Variants in GRAMD4 observed in about 807,000 individuals in gnomAD.
GRAMD4 encodes the protein GRAM domain-containing protein 4.
In GRAMD4, 25 loss-of-function variants were observed where a neutral mutation model predicts 83.9. The ratio of observed to expected loss-of-function variants is 0.30; its 90% CI spans 0.22 to 0.42. The LOEUF (loss-of-function observed/expected upper bound fraction) is 0.42, where lower values mean the gene tolerates loss of function less well. GRAMD4 is among the 10% of genes least tolerant of loss of function. The probability of loss-of-function intolerance (pLI) is 1.00; values close to 1 mark genes in which losing one functional copy is unlikely to be tolerated. For missense variants in GRAMD4, 593 were observed against 788.7 expected, an observed-to-expected ratio of 0.75 and a Z score of 2.97; for synonymous variants, 336 against 320.9, an observed-to-expected ratio of 1.05 and a Z score of -0.50.
At chr22:46,648,803 C>G (rs62233622) in intron 3 of GRAMD4, among the ~76,000 whole-genome samples, 10,655 of 26,924 alleles carry the variant, frequency 0.4, 1,557 homozygotes, top group East Asian at 0.5. Context: ...TGGATGGATG[C>G]ATGGATGGAT....
chr22:46,674,483 C>T, intron 15 of GRAMD4, 174 bp from the exon 16 acceptor site: 1 of 634,870 alleles, frequency 1.6e-6, no homozygotes, highest in South Asian at 1.8e-5. Context: ...CATCTGTTTT[C>T]CACCCTCTGG....
chr22:46,623,602 T>C (rs2081609600), intron 1 of GRAMD4, among the ~76,000 whole-genome samples: 1 of 151,900 alleles, frequency 6.6e-6, no homozygotes, highest in South Asian at 2.1e-4. Flanking sequence ...TTCACCGTGT[T>C]AGCCAGGATG....
chr22:46,608,230 G>A (rs1287381769), intron 1 of GRAMD4, among the ~76,000 whole-genome samples: 2 of 152,206 alleles, frequency 1.3e-5, no homozygotes, highest in African/African-American at 4.8e-5. Flanking sequence ...GCCGAAACAT[G>A]TGCTTCTCTC....
chr22:46,577,396 C>CCCGCCGCCGCCGACGCCG, intron 1 of GRAMD4: 1 of 297,184 alleles, frequency 3.4e-6, no homozygotes, highest in Non-Finnish European at 4.9e-6. Flanking sequence ...CCGCGCTCTC[C>CCCGCCGCCGCCGACGCCG]CCGCCGCCGC....
chr22:46,650,057 C>T (rs566324094), intron 3 of GRAMD4, among the ~76,000 whole-genome samples: 151 of 152,206 alleles, frequency 9.9e-4, no homozygotes, highest in Non-Finnish European at 1.6e-3. Flanking sequence ...TCTGGGTGTG[C>T]GGGCCTCCGG....
chr22:46,612,605 G>C (rs1474359762), intron 1 of GRAMD4, among the ~76,000 whole-genome samples: 3 of 152,254 alleles, frequency 2.0e-5, no homozygotes, highest in African/African-American at 7.2e-5. Flanking sequence ...CCTGGAGATG[G>C]GCTCCTGAGC....
intron 1 of GRAMD4, among the ~76,000 whole-genome samples, chr22:46,623,597 C>T (rs5767308): frequency 0.2 from 30,381 of 151,690 alleles, 3,651 homozygotes; most frequent in East Asian, 0.3. Context: ...GCAGTTTCAC[C>T]GTGTTAGCCA....
rs866574005 is a variant in GRAMD4, at chr22:46,663,824, C to T, written c.600-14C>T. 1.9e-6 allele frequency: 3 copies of T among 1,613,032 alleles called. No individual in the cohort carries two copies. Among genetic ancestry groups the T allele is most frequent in the African/African-American group, 2.7e-5 (2 of 74,912 alleles). ...CATTAACCCTGGGCTCCCATCTCTC[C>T]CCTTCTCTCTTAGGTTAACTGAAAA... is the stretch of plus-strand genomic sequence containing the variant. On this transcript the variant is annotated splice_polypyrimidine_tract_variant and intron_variant, in intron 6 of 18. Coordinates refer to ENST00000406902, the MANE Select transcript of GRAMD4 (RefSeq NM_015124.5).
chr22:46,641,368 C>T (rs1361431313), intron 3 of GRAMD4, among the ~76,000 whole-genome samples: 3 of 149,134 alleles, frequency 2.0e-5, no homozygotes, highest in South Asian at 4.3e-4. Flanking sequence ...CCACTGTGTG[C>T]GGCCCCATCT....
upstream of GRAMD4, among the ~76,000 whole-genome samples, chr22:46,615,812 CTGTG>C (rs1207879832): frequency 6.4e-4 from 56 of 87,238 alleles, 16 homozygotes; most frequent in Admixed American, 1.4e-3. Flanking sequence ...GTAGGTTCCC[CTGTG>C]CGTGTGGGTT....
chr22:46,618,585 TG>T (rs757570573), upstream of GRAMD4, among the ~76,000 whole-genome samples: 12 of 152,096 alleles, frequency 7.9e-5, no homozygotes, highest in Non-Finnish European at 1.3e-4. The surrounding 1 kb of genome is among the most constrained non-coding windows in gnomAD (Gnocchi z 5.8). Flanking sequence ...TGGAAGCCCC[TG>T]GAGAACTTTG....
At chr22:46,587,400 C>G (rs137982323) in intron 1 of GRAMD4, among the ~76,000 whole-genome samples, 54 of 151,984 alleles carry the variant, frequency 3.6e-4, no homozygotes, top group Admixed American at 1.5e-3. Context: ...CCCAGCCGTC[C>G]GGAGTGACAC....
Position 46,678,561 on chromosome 22 carries a change from T to C in GRAMD4, c.*1310T>C, listed in dbSNP as rs1312176812. 31 of 985,480 alleles carry C rather than the reference T, an allele frequency of 3.1e-5. No individual in the cohort carries two copies. Among genetic ancestry groups the C allele is most frequent in the Non-Finnish European group, 1.2e-6 (1 of 829,950 alleles). 61.0% of individuals were successfully genotyped at this position (985,480 alleles called of 1,614,324 possible). A position where few individuals can be genotyped will look rare whatever the true frequency, so the allele number is the denominator to read the frequency against. ...GAAGGAGGTGGCCACCCCGCGGGCC[T>C]GCGTGTCTGCTGGGGCGGATCCCGC... On this transcript the variant is annotated 3_prime_UTR_variant, in exon 19 of 19. Transcript: ENST00000406902.
intron 3 of GRAMD4, among the ~76,000 whole-genome samples, chr22:46,638,861 G>T (rs1341534727): frequency 1.3e-5 from 2 of 152,190 alleles, no homozygotes; most frequent in African/African-American, 2.4e-5. Flanking sequence ...TCTGGGTGTC[G>T]TGCCCAGCCA....
intron 4 of GRAMD4, among the ~76,000 whole-genome samples, chr22:46,660,915 G>T (rs1005844577): frequency 6.6e-6 from 1 of 152,222 alleles, no homozygotes; most frequent in African/African-American, 2.4e-5. Context: ...CCTAGTGGCC[G>T]TCTAGTGCCC....
chr22:46,621,323 G>A lies in GRAMD4; in HGVS notation c.-50+758G>A, dbSNP rs1298604864. 6.6e-6 allele frequency among the ~76,000 whole-genome samples: 1 copy of A among 152,190 alleles called. No homozygotes were observed. The highest frequency in any genetic ancestry group is 1.5e-5 in the Non-Finnish European group (1 of 68,026). On this transcript the variant is annotated intron_variant, in intron 1 of 18. Coordinates refer to ENST00000406902, the MANE Select transcript of GRAMD4 (RefSeq NM_015124.5). This position sits in a 1 kb window ranked among gnomAD's most constrained non-coding sequence, Gnocchi z 5.8. ...CTCCCCCAAAATTCATGTCCACCTC[G>A]TACCTGTGGACCCGACCTTACTTGG... is the stretch of plus-strand genomic sequence containing the variant.
chr22:46,673,651 C>T lies in GRAMD4; in HGVS notation c.1240-19C>T, dbSNP rs368127714. On this transcript the variant is annotated intron_variant, in intron 14 of 18. Transcript: ENST00000406902. ...GCGTGGGCAGCGGGCCTGACCTCGA[C>T]GCTGTTTGCCGTTGGCAGCTGCAGA... The T allele has an allele frequency of 1.3e-5, 21 of 1,607,194 alleles. No individual in the cohort carries two copies. Among genetic ancestry groups the T allele is most frequent in the African/African-American group, 8.0e-5 (6 of 74,970 alleles).
At chr22:46,600,373 G>A (rs1020407491) in intron 1 of GRAMD4, among the ~76,000 whole-genome samples, 1 of 152,142 alleles carries the variant, frequency 6.6e-6, no homozygotes, top group Admixed American at 6.5e-5. Flanking sequence ...GAGCTGCTTG[G>A]GGTGCTCTGG....
In GRAMD4 at chr22:46,672,085, G is replaced by C. The variant is rs1344559755; in HGVS notation, c.1085-758G>C. Among the ~76,000 whole-genome samples, 4 of 152,250 alleles carry C rather than the reference G, an allele frequency of 2.6e-5. No individual in the cohort carries two copies. The highest frequency in any genetic ancestry group is 4.4e-5 in the Non-Finnish European group (3 of 68,036). On this transcript the variant is annotated intron_variant, in intron 13 of 18. Coordinates refer to ENST00000406902, the MANE Select transcript of GRAMD4 (RefSeq NM_015124.5). This position sits in a 1 kb window ranked among gnomAD's most constrained non-coding sequence, Gnocchi z 4.7. ...CCCCCAGCACTGGGAGGGGCACCCG[G>C]AGAGACCGGAACTCCTGACAGCTTT...
Sources: allele counts gnomAD v4.1 joint callset (sites outside exome capture counted in the v4.1 genomes callset), GRCh38; gene constraint gnomAD v4.1.1; non-coding constraint Gnocchi (gnomAD v3.1); transcripts MANE v1.5; gene names NCBI Gene and HGNC (gene_info 2026-07-23, HGNC 2026-07-21).